The following HASPIN variants were observed in gnomAD, a reference collection of about 807,000 sequenced individuals.
HASPIN encodes the protein serine/threonine-protein kinase haspin.
HASPIN carries 24 observed loss-of-function variants against 28.8 expected under a neutral mutation model. The ratio of observed to expected loss-of-function variants is 0.83; its 90% confidence interval spans 0.60 to 1.17. The LOEUF (loss-of-function observed/expected upper bound fraction) is 1.17. Ranked by LOEUF, HASPIN falls within the 50% of genes most tolerant of loss-of-function variation. The pLI is 0.00. For synonymous variants in HASPIN, 440 were observed against 413.1 expected, an observed-to-expected ratio of 1.07 and a Z score of -0.79; for missense variants, 1,016 against 1,018.5, an observed-to-expected ratio of 1.00 and a Z score of 0.03.
In HASPIN at chr17:3,726,288, A is replaced by AGCTCTGCCACTGACTT; in HGVS notation, c.2363_2378dup (p.Gln793HisfsTer2). The AGCTCTGCCACTGACTT allele has an allele frequency of 6.2e-7, 1 of 1,614,070 alleles. No homozygotes were observed. Among genetic ancestry groups the AGCTCTGCCACTGACTT allele is most frequent in the Non-Finnish European group, 8.5e-7 (1 of 1,179,936 alleles). On this transcript the variant is annotated frameshift_variant, in exon 1 of 1. Transcript: ENST00000325418. LOFTEE classifies it high-confidence loss of function. The stretch of plus-strand genomic sequence containing the variant: ...GTTCCACAGGACAATGCTGAACTTC[A>AGCTCTGCCACTGACTT]GCTCTGCCACTGACTTGCTCTGCCA...
In HASPIN at chr17:3,724,103, C is replaced by A; in HGVS notation, c.168C>A (p.Asp56Glu). The A allele has an allele frequency of 6.3e-7, 1 of 1,594,656 alleles. No homozygotes were observed. Residue 56 changes from aspartate (D) to glutamate (E), a missense_variant, in exon 1 of 1, where the codon GAC (aspartate) becomes GAA (glutamate). Coordinates refer to ENST00000325418, the MANE Select transcript of HASPIN (RefSeq NM_031965.2). The stretch of plus-strand genomic sequence containing the variant: ...GCAGCAGCGACGCCAGCATCGGCGA[C>A]CCCTCGCAGTCCGACGATCCTGACG... The part of the protein sequence containing the change: ...SSGSSDASIG[D>E]PSQSDDPDDP...
In HASPIN at chr17:3,724,371, C is replaced by A. The variant is rs970081914; in HGVS notation, c.436C>A (p.Leu146Ile). Residue 146 changes from leucine (L) to isoleucine (I), a missense_variant, in exon 1 of 1, where the codon CTC becomes ATC. Coordinates refer to ENST00000325418, the MANE Select transcript of HASPIN (RefSeq NM_031965.2). Reference sequence around the variant, plus strand: ...CTTCCCCAGCCGCGACTCCGGCCGCCTCAGCCCGGACCTCAGCGTGTGCGG... The same window carrying A: ...CTTCCCCAGCCGCGACTCCGGCCGCATCAGCCCGGACCTCAGCGTGTGCGG... ...PPFPSRDSGR[L>I]SPDLSVCGQP... The A allele has an allele frequency of 1.2e-6, 2 of 1,606,358 alleles. No individual in the cohort carries two copies. Among genetic ancestry groups the A allele is most frequent in the Non-Finnish European group, 1.7e-6 (2 of 1,178,268 alleles).
At position 3,725,204 on chromosome 17, in the gene HASPIN, G is replaced by A. The variant is rs747379425; in HGVS notation, c.1269G>A (p.Arg423=). ...SGSLLSECSN[R]PVMNRTSGAP... ...CCCTCCTATCAGAATGTTCAAACCG[G>A]CCTGTCATGAACAGAACAAGTGGTG... Residue 423 remains arginine (R), a synonymous_variant, in exon 1 of 1, where the codon CGG becomes CGA. Transcript: ENST00000325418. 1 of 1,614,116 alleles carries A rather than the reference G, an allele frequency of 6.2e-7. No individual in the cohort carries two copies. The highest frequency in any genetic ancestry group is 1.1e-5 in the South Asian group (1 of 91,078).
rs1423738950 is a variant in HASPIN, at chr17:3,725,821, T to A, written c.1886T>A (p.Leu629Gln). 2 of 1,612,392 alleles carry A rather than the reference T, an allele frequency of 1.2e-6. No individual in the cohort carries two copies. Among genetic ancestry groups the A allele is most frequent in the African/African-American group, 2.7e-5 (2 of 74,876 alleles). The change falls in exon 1 of 1, where the codon CTA (leucine) becomes CAA (glutamine). Residue 629 changes from leucine to glutamine, a missense_variant. Physicochemically the swap from Leu to Gln is moderately radical, Grantham distance 113. Coordinates refer to ENST00000325418, the MANE Select transcript of HASPIN (RefSeq NM_031965.2). Reference sequence around the variant, plus strand: ...TCCTTGGCTACTGCAAAGAGCATTCTACACCAGCTCACAGCCTCCCTCGCA... The same window carrying A: ...TCCTTGGCTACTGCAAAGAGCATTCAACACCAGCTCACAGCCTCCCTCGCA... ...LSSLATAKSI[L>Q]HQLTASLAVA... is the part of the protein sequence containing the mutation.
At position 3,725,038 on chromosome 17, in the gene HASPIN, C is replaced by T. The variant is rs1297717919; in HGVS notation, c.1103C>T (p.Pro368Leu). 6.2e-7 allele frequency: 1 copy of T among 1,614,208 alleles called. No homozygotes were observed. The highest frequency in any genetic ancestry group is 8.5e-7 in the Non-Finnish European group (1 of 1,180,038). Residue 368 changes from proline (P) to leucine (L), a missense_variant, in exon 1 of 1, where the codon CCC becomes CTC. Physicochemically the swap from Pro to Leu is moderately conservative, Grantham distance 98. This residue lies in a region of HASPIN where 881 missense variants were observed against 845.5 expected (regional missense o/e 1.04). Transcript: ENST00000325418. ...CAAAAGCTGGGAAAAGATTCGTTCC[C>T]CACCCAGGACCTGACTCCTTTACAG... is the stretch of plus-strand genomic sequence containing the variant. ...KGQKLGKDSF[P>L]TQDLTPLQNV...
At position 3,724,969 on chromosome 17, in the gene HASPIN, C is replaced by G; in HGVS notation, c.1034C>G (p.Ala345Gly). The change falls in exon 1 of 1, where the codon GCA becomes GGA. Residue 345 changes from alanine (A) to glycine (G), a missense_variant. By Grantham distance (60) the Ala-to-Gly change is moderately conservative. Transcript: ENST00000325418. ...RSSRKSKHQE[A>G]TETSLLHSHR... Reference sequence around the variant, plus strand: ...AGCCGGAAGAGCAAACATCAGGAGGCAACGGAAACCTCTCTCCTCCATTCC... The same window carrying G: ...AGCCGGAAGAGCAAACATCAGGAGGGAACGGAAACCTCTCTCCTCCATTCC... The G allele has an allele frequency of 4.3e-6, 7 of 1,614,152 alleles. No individual in the cohort carries two copies. The highest frequency in any genetic ancestry group is 5.9e-6 in the Non-Finnish European group (7 of 1,180,036).
In HASPIN at chr17:3,725,826, C is replaced by A. The variant is rs1185363483; in HGVS notation, c.1891C>A (p.Gln631Lys). 6.2e-7 allele frequency: 1 copy of A among 1,612,150 alleles called. No homozygotes were observed. Among genetic ancestry groups the A allele is most frequent in the Non-Finnish European group, 8.5e-7 (1 of 1,179,858 alleles). ...GGCTACTGCAAAGAGCATTCTACAC[C>A]AGCTCACAGCCTCCCTCGCAGTGGC... ...SLATAKSILHQLTASLAVAEA... is the reference protein window; with the variant it reads ...SLATAKSILHKLTASLAVAEA... The change falls in exon 1 of 1, where the codon CAG (glutamine) becomes AAG (lysine). Residue 631 changes from glutamine to lysine, a missense_variant. By Grantham distance (53) the Gln-to-Lys change is moderately conservative. Transcript: ENST00000325418.
At position 3,724,650 on chromosome 17, in the gene HASPIN, G is replaced by A. The variant is rs767322245; in HGVS notation, c.715G>A (p.Ala239Thr). 1.2e-6 allele frequency: 2 copies of A among 1,614,210 alleles called. No homozygotes were observed. The highest frequency in any genetic ancestry group is 8.5e-7 in the Non-Finnish European group (1 of 1,180,032). ...KDTRMVHQTR[A>T]SLRSVLFGLM... ...CACCAGGATGGTCCACCAAACCCGCGCCAGCCTCAGGTCAGTTCTCTTTGG... is the reference window on the plus strand; with the variant it reads ...CACCAGGATGGTCCACCAAACCCGCACCAGCCTCAGGTCAGTTCTCTTTGG... The change falls in exon 1 of 1, where the codon GCC becomes ACC. Residue 239 changes from alanine to threonine, a missense_variant. Transcript: ENST00000325418.
Position 3,724,575 on chromosome 17 carries a change from C to T in HASPIN, c.640C>T (p.Arg214Ter), listed in dbSNP as rs1205163060. The T allele has an allele frequency of 6.2e-7, 1 of 1,614,172 alleles. No homozygotes were observed. The highest frequency in any genetic ancestry group is 1.3e-5 in the African/African-American group (1 of 75,048). ...CCACCTCCCAGAAGTCTCCCTGGAC[C>T]GAGCATCTCTCCCCTGCTCCCAGGA... ...GLHLPEVSLD[R>*]ASLPCSQEEA... Residue 214 changes from arginine (R) to a stop codon, truncating the protein, a stop_gained, in exon 1 of 1, where the codon CGA becomes TGA. Transcript: ENST00000325418. LOFTEE classifies it low-confidence loss of function (END_TRUNC).
Position 3,724,174 on chromosome 17 carries a change from G to GGAGGCGTCCCGGCGGCC in HASPIN, c.243_259dup (p.Val87GlyfsTer14). The GGAGGCGTCCCGGCGGCC allele has an allele frequency of 6.3e-7, 1 of 1,592,802 alleles. No homozygotes were observed. Among genetic ancestry groups the GGAGGCGTCCCGGCGGCC allele is most frequent in the Non-Finnish European group, 8.5e-7 (1 of 1,176,652 alleles). On this transcript the variant is annotated frameshift_variant, in exon 1 of 1. Transcript: ENST00000325418. LOFTEE classifies it low-confidence loss of function (END_TRUNC). The stretch of plus-strand genomic sequence containing the variant: ...CCCGGCAGCCCGGTGAGGCGGCGGC[G>GGAGGCGTCCCGGCGGCC]GAGGCGTCCCGGCGGCCGAGTGCCC...
chr17:3,724,736 A>G lies in HASPIN; in HGVS notation c.801A>G (p.Arg267=). The G allele has an allele frequency of 1.2e-6, 2 of 1,614,226 alleles. No homozygotes were observed. Among genetic ancestry groups the G allele is most frequent in the Non-Finnish European group, 1.7e-6 (2 of 1,180,048 alleles). Reference sequence around the variant, plus strand: ...TTCGGGCAGATGGGAAGAATATGAGAGAGTCCTGCTGTAAAAGGAAACTGG... The same window carrying G: ...TTCGGGCAGATGGGAAGAATATGAGGGAGTCCTGCTGTAAAAGGAAACTGG... ...SEFRADGKNM[R]ESCCKRKLVV... Residue 267 remains arginine (R), a synonymous_variant, in exon 1 of 1, where the codon AGA becomes AGG. Coordinates refer to ENST00000325418, the MANE Select transcript of HASPIN (RefSeq NM_031965.2).
rs778980875 is a variant in HASPIN, at chr17:3,725,283, C to CT, written c.1349dup (p.Ser451LysfsTer9). On this transcript the variant is annotated frameshift_variant, in exon 1 of 1. Coordinates refer to ENST00000325418, the MANE Select transcript of HASPIN (RefSeq NM_031965.2). LOFTEE classifies it high-confidence loss of function. Reference sequence around the variant, plus strand: ...GTATTTGCTAAGCCCCTTAAACACTCTAAGTATTTCAAACAAAAAGGCATC... The same window carrying CT: ...GTATTTGCTAAGCCCCTTAAACACTCTTAAGTATTTCAAACAAAAAGGCATC... 1.2e-4 allele frequency: 200 copies of CT among 1,614,090 alleles called. No homozygotes were observed. Among genetic ancestry groups the CT allele is most frequent in the Non-Finnish European group, 7.4e-5 (87 of 1,180,044 alleles).
At position 3,724,905 on chromosome 17, in the gene HASPIN, G is replaced by C; in HGVS notation, c.970G>C (p.Val324Leu). The C allele has an allele frequency of 6.2e-7, 1 of 1,613,636 alleles. No homozygotes were observed. Among genetic ancestry groups the C allele is most frequent in the South Asian group, 1.1e-5 (1 of 91,026 alleles). The stretch of plus-strand genomic sequence containing the variant: ...GGCCAGTGTTCCCAAGGGCCGCATT[G>C]TGCCAAGGGGAATAGACAGGCTGGA... ...QEASVPKGRIVPRGIDRLERT... is the reference protein window; with the variant it reads ...QEASVPKGRILPRGIDRLERT... Residue 324 changes from valine to leucine, a missense_variant, in exon 1 of 1, where the codon GTG becomes CTG. This residue lies in a region of HASPIN where 881 missense variants were observed against 845.5 expected (regional missense o/e 1.04). Coordinates refer to ENST00000325418, the MANE Select transcript of HASPIN (RefSeq NM_031965.2).
rs139905328 is a variant in HASPIN, at chr17:3,724,863, C to A, written c.928C>A (p.Arg310=). Residue 310 remains arginine, a synonymous_variant, in exon 1 of 1, where the codon CGG becomes AGG. Transcript: ENST00000325418. ...CQERGLQEAV[R]REHQEASVPK... is the part of the protein sequence containing the mutation. ...AGAGAGAGGGCTTCAAGAGGCCGTC[C>A]GGAGAGAGCATCAGGAGGCCAGTGT... The A allele has an allele frequency of 6.2e-7, 1 of 1,613,798 alleles. No individual in the cohort carries two copies. The highest frequency in any genetic ancestry group is 8.5e-7 in the Non-Finnish European group (1 of 1,180,036).
rs1403975326 is a variant in HASPIN, at chr17:3,725,669, T to G, written c.1734T>G (p.Asp578Glu). Residue 578 changes from aspartate to glutamate, a missense_variant, in exon 1 of 1, where the codon GAT (aspartate) becomes GAG (glutamate). Asp to Glu is a conservative substitution (Grantham distance 45). Around this residue, in one of 3 missense-constraint regions of HASPIN, gnomAD observed 881 missense variants for 845.5 expected, o/e 1.04. Coordinates refer to ENST00000325418, the MANE Select transcript of HASPIN (RefSeq NM_031965.2). ...CTCCCTTGCTCCTCAAAGCCTGGGA[T>G]CACTATAATTCAACCAAAGGCTCTG... The part of the protein sequence containing the change: ...SYPPLLLKAW[D>E]HYNSTKGSAN... 8 of 1,587,566 alleles carry G rather than the reference T, an allele frequency of 5.0e-6. No homozygotes were observed. Among genetic ancestry groups the G allele is most frequent in the Non-Finnish European group, 6.9e-6 (8 of 1,166,474 alleles).
chr17:3,725,076 T>G lies in HASPIN; in HGVS notation c.1141T>G (p.Trp381Gly). 6.2e-7 allele frequency: 1 copy of G among 1,614,230 alleles called. No homozygotes were observed. Residue 381 changes from tryptophan (W) to glycine (G), a missense_variant, in exon 1 of 1, where the codon TGG becomes GGG. By Grantham distance (184) the Trp-to-Gly change is radical. This residue lies in a region of HASPIN where 881 missense variants were observed against 845.5 expected (regional missense o/e 1.04). Coordinates refer to ENST00000325418, the MANE Select transcript of HASPIN (RefSeq NM_031965.2). ...DLTPLQNVCF[W>G]TKTRASFSFH... ...GACTCCTTTACAGAATGTCTGCTTT[T>G]GGACCAAAACCAGGGCTTCCTTCAG...
chr17:3,725,790 T>C lies in HASPIN; in HGVS notation c.1855T>C (p.Leu619=), dbSNP rs371510590. 3.1e-5 allele frequency: 50 copies of C among 1,605,114 alleles called. No individual in the cohort carries two copies. In the Middle Eastern group the frequency reaches 6.6e-4, roughly 21 times the overall value. The part of the protein sequence containing the change: ...GIDLEQMRTK[L]SSLATAKSIL... ...TGACTTAGAGCAAATGCGAACCAAG[T>C]TGTCTTCCTTGGCTACTGCAAAGAG... is the stretch of plus-strand genomic sequence containing the variant. The change falls in exon 1 of 1, where the codon TTG becomes CTG. Residue 619 remains leucine (L), a synonymous_variant. Coordinates refer to ENST00000325418, the MANE Select transcript of HASPIN (RefSeq NM_031965.2).
At position 3,724,732 on chromosome 17, in the gene HASPIN, TGA is replaced by T; in HGVS notation, c.803_804del (p.Glu268ValfsTer4). On this transcript the variant is annotated frameshift_variant, in exon 1 of 1. Coordinates refer to ENST00000325418, the MANE Select transcript of HASPIN (RefSeq NM_031965.2). LOFTEE classifies it low-confidence loss of function (END_TRUNC). ...GAGTTTCGGGCAGATGGGAAGAATA[TGA>T]GAGAGTCCTGCTGTAAAAGGAAACT... 4.3e-6 allele frequency: 7 copies of T among 1,614,072 alleles called. No individual in the cohort carries two copies. The highest frequency in any genetic ancestry group is 5.9e-6 in the Non-Finnish European group (7 of 1,180,024).
At position 3,725,365 on chromosome 17, in the gene HASPIN, A is replaced by T; in HGVS notation, c.1430A>T (p.His477Leu). ...CAGAAGGGTCCTGTCCCCTTTAGCCATTGCCTTCCCACAGAAAAACTGCAA... is the reference window on the plus strand; with the variant it reads ...CAGAAGGGTCCTGTCCCCTTTAGCCTTTGCCTTCCCACAGAAAAACTGCAA... ...CSQKGPVPFS[H>L]CLPTEKLQRC... is the part of the protein sequence containing the mutation. The change falls in exon 1 of 1, where the codon CAT (histidine) becomes CTT (leucine). Residue 477 changes from histidine (H) to leucine (L), a missense_variant. Coordinates refer to ENST00000325418, the MANE Select transcript of HASPIN (RefSeq NM_031965.2). 2 of 1,614,208 alleles carry T rather than the reference A, an allele frequency of 1.2e-6. No individual in the cohort carries two copies. Among genetic ancestry groups the T allele is most frequent in the Non-Finnish European group, 1.7e-6 (2 of 1,180,038 alleles).
Sources: allele counts gnomAD v4.1 joint callset, GRCh38; gene constraint gnomAD v4.1.1; regional missense constraint gnomAD v4.1.1; transcripts MANE v1.5; gene names NCBI Gene and HGNC (gene_info 2026-07-23, HGNC 2026-07-21).